The following SGCB variants were observed in gnomAD, a reference collection of about 807,000 sequenced individuals.
The protein encoded by SGCB is beta-sarcoglycan.
Under a neutral mutation model 27.3 loss-of-function variants are expected in SGCB, and 25 were observed. The observed-to-expected ratio is 0.92, with a 90% CI of 0.67 to 1.28. The LOEUF (loss-of-function observed/expected upper bound fraction) is 1.28. Ranked by LOEUF, SGCB falls within the 50% of genes most tolerant of loss-of-function variation. SGCB has a pLI of 0.00. For missense variants in SGCB, 436 were observed against 402.1 expected, an observed-to-expected ratio of 1.08 and a Z score of -0.72; for synonymous variants, 147 against 133.5, an observed-to-expected ratio of 1.10 and a Z score of -0.70.
At chr4:52,034,259 G>C (rs1428802547) in intron 1 of SGCB, among the ~76,000 whole-genome samples, 1 of 67,944 alleles carries the variant, frequency 1.5e-5, no homozygotes. Context: ...GTGAACCCGG[G>C]AGGCGGAGCT....
chr4:52,032,995 A>G (rs1737291921), intron 2 of SGCB, among the ~76,000 whole-genome samples: 1 of 152,212 alleles, frequency 6.6e-6, no homozygotes. Context: ...ACTGCCATCA[A>G]AGGGTTTAAA....
At chr4:52,036,970 G>C (rs1578129398) in intron 1 of SGCB, among the ~76,000 whole-genome samples, 1 of 152,184 alleles carries the variant, frequency 6.6e-6, no homozygotes. Flanking sequence ...GGAAAATTCA[G>C]TTAAGTTCAG....
chr4:52,028,701 A>G (rs1274199718), intron 4 of SGCB, 29 bp downstream of exon 4: 1 of 1,465,090 alleles, frequency 6.8e-7, no homozygotes, highest in South Asian at 1.1e-5. Context: ...ATTCTCTCCC[A>G]TTAGTAAAAC....
chr4:52,033,729 G>T, intron 1 of SGCB, 89 bp from the exon 2 acceptor site: 1 of 974,794 alleles, frequency 1.0e-6, no homozygotes, highest in Non-Finnish European at 1.6e-6. Flanking sequence ...GCTATAGCAA[G>T]CTGAATTGGT....
chr4:52,037,467 A>G (rs534903525), intron 1 of SGCB, among the ~76,000 whole-genome samples: 1 of 152,334 alleles, frequency 6.6e-6, no homozygotes, highest in South Asian at 2.1e-4. Context: ...TCAAAGGAAA[A>G]GTAAGTTAGG....
chr4:52,027,530 AAAC>A (rs1325318140), intron 5 of SGCB, among the ~76,000 whole-genome samples: 4 of 151,660 alleles, frequency 2.6e-5, no homozygotes, highest in Non-Finnish European at 5.9e-5. Context: ...CTTTAATTAA[AAAC>A]AACAACTACA....
chr4:52,031,913 C>G (rs1255463655), intron 2 of SGCB: 1 of 455,946 alleles, frequency 2.2e-6, no homozygotes, highest in Non-Finnish European at 4.4e-6. Context: ...CTATATGCAT[C>G]AGGAATCCCA....
chr4:52,035,071 A>C (rs1388710126), intron 1 of SGCB, among the ~76,000 whole-genome samples: 1 of 152,212 alleles, frequency 6.6e-6, no homozygotes, highest in Non-Finnish European at 1.5e-5. Context: ...TCTGACCTAG[A>C]CTATGGTTGA....
intron 2 of SGCB, among the ~76,000 whole-genome samples, chr4:52,031,399 T>C (rs913142595): frequency 1.8e-4 from 8 of 43,336 alleles, no homozygotes; most frequent in Non-Finnish European, 6.9e-4. Flanking sequence ...TCTCTGTGTG[T>C]GTGTGTATGT....
intron 4 of SGCB, 25 bp from the exon 5 acceptor site, chr4:52,028,124 A>G (rs761942553): frequency 4.5e-6 from 7 of 1,565,724 alleles, no homozygotes; most frequent in Non-Finnish European, 6.2e-6. Flanking sequence ...AACAAGTACT[A>G]AAAAGAGTTT....
intron 1 of SGCB, among the ~76,000 whole-genome samples, chr4:52,034,951 TCTC>T (rs1433270018): frequency 2.0e-5 from 3 of 152,174 alleles, no homozygotes; most frequent in South Asian, 2.1e-4. Flanking sequence ...CATTTTAACT[TCTC>T]CTATAGTAAA....
chr4:52,029,892 T>C (rs966986007), intron 2 of SGCB, 29 bp from the exon 3 acceptor site: 4 of 1,512,140 alleles, frequency 2.6e-6, no homozygotes, highest in Middle Eastern at 3.4e-4. Context: ...CCACTGTTGG[T>C]AGGCCGCATA....
rs775458201 is a variant in SGCB at position 52,028,063 on chromosome 4, CTT to C, written c.656_657del (p.Lys219SerfsTer2). ...TSNATSDLNI[K>X]VDGRAIVRGN... ...CCACGCACAATAGCACGCCCATCAA[CTT>C]TTATATTTAAATCACTGGTAGCATT... is the stretch of plus-strand genomic sequence containing the variant. On this transcript the variant is annotated frameshift_variant, in exon 5 of 6. Coordinates refer to ENST00000381431, the MANE Select transcript of SGCB (RefSeq NM_000232.5). LOFTEE classifies it high-confidence loss of function. 10 of 1,613,288 alleles carry C rather than the reference CTT, an allele frequency of 6.2e-6. No individual in the cohort carries two copies. In the African/African-American group the frequency reaches 1.3e-4, roughly 22 times the overall value.
Position 52,023,468 on chromosome 4 carries a change from C to T in SGCB, c.*489G>A, listed in dbSNP as rs1737007497. On this transcript the variant is annotated 3_prime_UTR_variant, in exon 6 of 6. Coordinates refer to ENST00000381431, the MANE Select transcript of SGCB (RefSeq NM_000232.5). ...TCACATATGTAAAGTTCTTTAATGA[C>T]TTCACTTGCATGTGAGAATATGGCT... The T allele has an allele frequency of 6.4e-6, 1 of 155,692 alleles. No individual in the cohort carries two copies. The highest frequency in any genetic ancestry group is 1.4e-5 in the Non-Finnish European group (1 of 69,984). The allele number at this position is 155,692 out of a possible 1,614,324, so 9.6% of individuals were successfully genotyped here. A position where few individuals can be genotyped will look rare whatever the true frequency, so the allele number is the denominator to read the frequency against.
At chr4:52,027,065 A>C (rs1737117197) in intron 5 of SGCB, among the ~76,000 whole-genome samples, 2 of 152,234 alleles carry the variant, frequency 1.3e-5, no homozygotes, top group South Asian at 4.1e-4. Context: ...TATAAAAGTA[A>C]AACAACTACT....
rs1193225138 is a variant in SGCB, at chr4:52,020,922, T to C, written c.*3035A>G. 6.6e-6 allele frequency: 1 copy of C among 152,536 alleles called. No individual in the cohort carries two copies. The highest frequency in any genetic ancestry group is 1.5e-5 in the Non-Finnish European group (1 of 68,042). 9.4% of individuals were successfully genotyped at this position (152,536 alleles called of 1,614,324 possible). On this transcript the variant is annotated 3_prime_UTR_variant, in exon 6 of 6. Transcript: ENST00000381431. ...TGTCAGGTTTAGCACCATGACATTC[T>C]CATTCCCTTAAAAAAACACTCATTC...
rs549265282 is a variant in SGCB at position 52,028,623 on chromosome 4, G to A, written c.621+107C>T. On this transcript the variant is annotated intron_variant, in intron 4 of 5. Coordinates refer to ENST00000381431, the MANE Select transcript of SGCB (RefSeq NM_000232.5). ...TGCACTCCAGCCTGGGCGACAGAGC[G>A]AAACTCCGTCTCAAAAAAAAAACAA... The A allele has an allele frequency of 2.1e-4, 188 of 881,866 alleles. 2 individuals are homozygous for A. Among genetic ancestry groups the A allele is most frequent in the South Asian group, 2.8e-4 (19 of 68,166 alleles). The allele number at this position is 881,866 out of a possible 1,614,324, so 54.6% of individuals were successfully genotyped here. A position where few individuals can be genotyped will look rare whatever the true frequency, so the allele number is the denominator to read the frequency against.
At position 52,021,151 on chromosome 4, in the gene SGCB, C is replaced by A. The variant is rs1736939459; in HGVS notation, c.*2806G>T. 6.6e-6 allele frequency: 1 copy of A among 152,120 alleles called. No homozygotes were observed. The highest frequency in any genetic ancestry group is 1.5e-5 in the Non-Finnish European group (1 of 68,032). The allele number at this position is 152,120 out of a possible 1,614,324, so 9.4% of individuals were successfully genotyped here. On this transcript the variant is annotated 3_prime_UTR_variant, in exon 6 of 6. Coordinates refer to ENST00000381431, the MANE Select transcript of SGCB (RefSeq NM_000232.5). Reference sequence around the variant, plus strand: ...ATTTGCCCCCCTTGTCATTGCAACCCGTCTCTAGAATACTGTGGTAATTGA... The same window carrying A: ...ATTTGCCCCCCTTGTCATTGCAACCAGTCTCTAGAATACTGTGGTAATTGA...
intron 5 of SGCB, among the ~76,000 whole-genome samples, chr4:52,026,510 G>C (rs1056877588): frequency 6.6e-6 from 1 of 151,944 alleles, no homozygotes; most frequent in Non-Finnish European, 1.5e-5. Context: ...ACCCGCCTTG[G>C]CTTCCTAAAG....
Sources: gnomAD v4.1 joint callset for allele counts (sites outside exome capture counted in the v4.1 genomes callset) on GRCh38, gnomAD v4.1.1 for gene constraint, MANE v1.5 for transcripts, NCBI Gene and HGNC (gene_info 2026-07-23, HGNC 2026-07-21) for gene names.